The following SGCD variants were observed in gnomAD, a reference collection of about 807,000 sequenced individuals.
The protein encoded by SGCD is delta-sarcoglycan.
In SGCD, 18 loss-of-function variants were observed where a neutral mutation model predicts 36.6. That is an observed-to-expected ratio of 0.49 (90% CI 0.34 to 0.73). SGCD has a LOEUF of 0.73. Ranked by LOEUF, SGCD falls within the 30% of genes least tolerant of loss-of-function variation. The pLI is 0.01. For missense variants in SGCD, 387 were observed against 346.7 expected (o/e 1.12, Z -0.92); for synonymous variants, 133 against 130.6 (o/e 1.02, Z -0.12).
intron 3 of SGCD, among the ~76,000 whole-genome samples, chr5:156,410,325 A>G (rs1316792032): frequency 6.6e-6 from 1 of 151,994 alleles, no homozygotes; most frequent in African/African-American, 2.4e-5. Context: ...TATAAGTGAG[A>G]GCTAAGCATT....
Position 155,915,795 on chromosome 5 carries a change from G to A in SGCD, c.-282+45371G>A, listed in dbSNP as rs555989911. Among the ~76,000 whole-genome samples the A allele has an allele frequency of 1.2e-4, 19 of 152,242 alleles. No homozygotes were observed. The South Asian group carries it at 1.7e-3, about 13-fold the overall frequency. On this transcript the variant is annotated intron_variant, in intron 1 of 9. Transcript: ENST00000517913. ...GCAGAAAAACTATATTTAAATTGGC[G>A]TTTGAGTACATTTCATATGTGTGAC...
rs967588791 is a variant in SGCD at position 156,583,703 on chromosome 5, A to C, written c.295-5528A>C. ...AGATAGACTTACCAGATATCTGGAC[A>C]TACCACAAAGCCACAGAAACAAAGA... On this transcript the variant is annotated intron_variant, in intron 4 of 8. Coordinates refer to ENST00000337851, the MANE Select transcript of SGCD (RefSeq NM_000337.6). Among the ~76,000 whole-genome samples the C allele has an allele frequency of 2.0e-5, 3 of 152,374 alleles. No individual in the cohort carries two copies. The East Asian group carries it at 5.8e-4, about 29-fold the overall frequency.
intron 7 of SGCD, among the ~76,000 whole-genome samples, chr5:156,695,188 A>G (rs1026079531): frequency 2.6e-5 from 4 of 151,264 alleles, no homozygotes; most frequent in Non-Finnish European, 5.9e-5. Context: ...AACTTGGCTA[A>G]GCCACAGTAC....
chr5:156,569,072 G>A (rs1436667708), intron 4 of SGCD, among the ~76,000 whole-genome samples: 2 of 147,644 alleles, frequency 1.4e-5, no homozygotes, highest in Non-Finnish European at 3.1e-5. Context: ...ACTGTAGTGG[G>A]TAAAGCAGGA....
chr5:155,820,609 A>T, the SGCD span, among the ~76,000 whole-genome samples: 1 of 152,144 alleles, frequency 6.6e-6, no homozygotes, highest in African/African-American at 2.4e-5. Flanking sequence ...AGGTGGGAGG[A>T]TAGCTTGAGC....
intron 3 of SGCD, among the ~76,000 whole-genome samples, chr5:156,363,359 C>T (rs930320667): frequency 6.6e-5 from 10 of 152,122 alleles, no homozygotes; most frequent in African/African-American, 2.4e-4. Context: ...CTGCAACCCA[C>T]GTTTCATGTT....
chr5:156,073,161 A>G (rs1760639720), intron 1 of SGCD, among the ~76,000 whole-genome samples: 1 of 152,184 alleles, frequency 6.6e-6, no homozygotes. Flanking sequence ...AGTTTCATGA[A>G]TGAAATTCAG....
chr5:156,215,898 A>G (rs1032770449), intron 3 of SGCD, among the ~76,000 whole-genome samples: 19 of 152,218 alleles, frequency 1.2e-4, no homozygotes, highest in African/African-American at 4.6e-4. Context: ...TGGTCATTGT[A>G]GTATTATTCA....
At chr5:156,740,171 ATGTT>A (rs2113075385) in intron 7 of SGCD, among the ~76,000 whole-genome samples, 2 of 152,324 alleles carry the variant, frequency 1.3e-5, no homozygotes, top group East Asian at 3.9e-4. Context: ...AGCCAATATC[ATGTT>A]CTTAAAGTTG....
chr5:156,478,101 G>A (rs189723920), intron 3 of SGCD, among the ~76,000 whole-genome samples: 165 of 152,086 alleles, frequency 1.1e-3, no homozygotes, highest in South Asian at 7.3e-3. Flanking sequence ...AGCATTTCTC[G>A]CCCTTACCTC....
At position 156,529,381 on chromosome 5, in the gene SGCD, G is replaced by A. The variant is rs182215121; in HGVS notation, c.294+20679G>A. 4.3e-3 allele frequency among the ~76,000 whole-genome samples: 637 copies of A among 147,844 alleles called. 4 individuals are homozygous for A. The highest frequency in any genetic ancestry group is 0.013 in the African/African-American group (527 of 39,672). On this transcript the variant is annotated intron_variant, in intron 4 of 8. Transcript: ENST00000337851. ...CAGAGGTTGCAGTGAGCTGAGATTGGGCCATTGCACTCCAGCCTGACAACA... is the reference window on the plus strand; with the variant it reads ...CAGAGGTTGCAGTGAGCTGAGATTGAGCCATTGCACTCCAGCCTGACAACA...
the SGCD span, among the ~76,000 whole-genome samples, chr5:155,785,315 T>C: frequency 6.6e-6 from 1 of 152,194 alleles, no homozygotes; most frequent in Non-Finnish European, 1.5e-5. Flanking sequence ...CACATAATTA[T>C]ACATATATGG....
At chr5:156,076,162 A>G (rs1333636973) in intron 1 of SGCD, among the ~76,000 whole-genome samples, 1 of 152,036 alleles carries the variant, frequency 6.6e-6, no homozygotes, top group African/African-American at 2.4e-5. Context: ...AAAGTGGGCC[A>G]TTCTCTGCCA....
chr5:155,767,357 C>T, the SGCD span, among the ~76,000 whole-genome samples: 7 of 152,168 alleles, frequency 4.6e-5, no homozygotes, highest in Admixed American at 3.9e-4. Context: ...TCATTGCATC[C>T]GCTTCTCACC....
Position 156,554,228 on chromosome 5 carries a change from G to C in SGCD, c.295-35003G>C, listed in dbSNP as rs563813086. Among the ~76,000 whole-genome samples, 6 of 152,076 alleles carry C rather than the reference G, an allele frequency of 3.9e-5. No individual in the cohort carries two copies. The South Asian group carries it at 1.2e-3, about 32-fold the overall frequency. On this transcript the variant is annotated intron_variant, in intron 4 of 8. Coordinates refer to ENST00000337851, the MANE Select transcript of SGCD (RefSeq NM_000337.6). ...AAAATTAGCCAGGCATGTGGCGCAC[G>C]CCTGTAATCTCAGCTACTTGGGAGG...
chr5:155,751,567 T>G, the SGCD span, among the ~76,000 whole-genome samples: 1 of 152,026 alleles, frequency 6.6e-6, no homozygotes, highest in Admixed American at 6.5e-5. Context: ...TTCTATATTT[T>G]TGGTAGAGAT....
At chr5:156,253,076 T>C (rs893179902) in intron 3 of SGCD, among the ~76,000 whole-genome samples, 9 of 152,180 alleles carry the variant, frequency 5.9e-5, no homozygotes, top group Admixed American at 3.3e-4. Context: ...TTTAAAAATG[T>C]GTGTGTTGGG....
intron 1 of SGCD, among the ~76,000 whole-genome samples, chr5:155,935,039 A>G (rs1250618581): frequency 6.6e-6 from 1 of 152,176 alleles, no homozygotes; most frequent in Non-Finnish European, 1.5e-5. Flanking sequence ...TGATGTCCTC[A>G]GCACATCATT....
intron 1 of SGCD, among the ~76,000 whole-genome samples, chr5:156,073,030 A>T (rs572790030): frequency 2.0e-5 from 3 of 152,040 alleles, no homozygotes; most frequent in East Asian, 1.9e-4. Context: ...TTATACATTC[A>T]TCTAAATTTT....
Sources: allele counts gnomAD v4.1 joint callset (sites outside exome capture counted in the v4.1 genomes callset), GRCh38; gene constraint gnomAD v4.1.1; transcripts MANE v1.5; gene names NCBI Gene and HGNC (gene_info 2026-07-23, HGNC 2026-07-21).